The following AP3B1 variants were observed in gnomAD, a reference collection of about 807,000 sequenced individuals.
AP3B1 encodes AP-3 complex subunit beta-1.
AP3B1 carries 61 observed loss-of-function variants against 132.5 expected under a neutral mutation model. The observed-to-expected ratio is 0.46, with a 90% CI of 0.37 to 0.57. The LOEUF (loss-of-function observed/expected upper bound fraction) is 0.57. AP3B1 is among the 20% of genes least tolerant of loss of function. AP3B1 has a pLI of 0.00. For synonymous variants in AP3B1, 388 were observed against 438.3 expected, an observed-to-expected ratio of 0.89 and a Z score of 1.43; for missense variants, 1,120 against 1,289.4, an observed-to-expected ratio of 0.87 and a Z score of 2.01.
intron 22 of AP3B1, among the ~76,000 whole-genome samples, chr5:78,060,574 T>C (rs544082878): frequency 6.6e-6 from 1 of 152,326 alleles, no homozygotes; most frequent in Admixed American, 6.5e-5. Context: ...CCAAGACACC[T>C]TATGTAAACG....
intron 22 of AP3B1, among the ~76,000 whole-genome samples, chr5:78,061,875 G>C (rs1212969165): frequency 1.3e-5 from 2 of 152,132 alleles, no homozygotes; most frequent in East Asian, 1.9e-4. Context: ...CAAAGAACAA[G>C]GAAGCTGATT....
intron 1 of AP3B1, among the ~76,000 whole-genome samples, chr5:78,293,576 G>A (rs1749625145): frequency 6.6e-6 from 1 of 152,100 alleles, no homozygotes; most frequent in Non-Finnish European, 1.5e-5. Context: ...AAAGCTACTA[G>A]CACAGCTATT....
intron 2 of AP3B1, among the ~76,000 whole-genome samples, chr5:78,247,129 T>A (rs1001674540): frequency 6.6e-6 from 1 of 151,548 alleles, no homozygotes; most frequent in Non-Finnish European, 1.5e-5. Context: ...TTTAAAAAAA[T>A]TTTGATCTCT....
At position 78,002,774 on chromosome 5, in the gene AP3B1, A is replaced by C; in HGVS notation, c.*128T>G. 1 of 1,054,770 alleles carries C rather than the reference A, an allele frequency of 9.5e-7. No individual in the cohort carries two copies. The highest frequency in any genetic ancestry group is 1.5e-6 in the Non-Finnish European group (1 of 672,728). 65.3% of individuals were successfully genotyped at this position (1,054,770 alleles called of 1,614,324 possible). A position where few individuals can be genotyped will look rare whatever the true frequency, so the allele number is the denominator to read the frequency against. Reference sequence around the variant, plus strand: ...CACTAGCATTCTAAAGCAGGAGACAAGAATGTCAAGAGTGTATTCTACCCC... The same window carrying C: ...CACTAGCATTCTAAAGCAGGAGACACGAATGTCAAGAGTGTATTCTACCCC... On this transcript the variant is annotated 3_prime_UTR_variant, in exon 27 of 27. Coordinates refer to ENST00000255194, the MANE Select transcript of AP3B1 (RefSeq NM_003664.5).
At chr5:78,153,193 A>G (rs1035033505) in intron 14 of AP3B1, among the ~76,000 whole-genome samples, 1 of 152,128 alleles carries the variant, frequency 6.6e-6, no homozygotes, top group African/African-American at 2.4e-5. Context: ...CTCTAGTAAC[A>G]TTTGCTTTAT....
chr5:78,208,992 A>C (rs1457570042), intron 7 of AP3B1, among the ~76,000 whole-genome samples: 1 of 152,174 alleles, frequency 6.6e-6, no homozygotes, highest in Non-Finnish European at 1.5e-5. Flanking sequence ...GAAGAATGAC[A>C]AATTCTCCAT....
intron 22 of AP3B1, among the ~76,000 whole-genome samples, chr5:78,054,754 T>C (rs1353592021): frequency 6.6e-6 from 1 of 152,144 alleles, no homozygotes; most frequent in African/African-American, 2.4e-5. Flanking sequence ...TGATGAAGGA[T>C]GCGGATGTCA....
chr5:78,294,605 T>A lies in AP3B1; in HGVS notation c.-26A>T. The A allele has an allele frequency of 6.2e-7, 1 of 1,612,912 alleles. No individual in the cohort carries two copies. Among genetic ancestry groups the A allele is most frequent in the Non-Finnish European group, 8.5e-7 (1 of 1,179,906 alleles). On this transcript the variant is annotated 5_prime_UTR_variant, in exon 1 of 27. Transcript: ENST00000255194. The stretch of plus-strand genomic sequence containing the variant: ...TGCCGCGGTGCTGGCGGGTGCGGGG[T>A]TGGTCCTGCCGGGGGTTCTCTCCAA...
At chr5:78,088,146 T>C (rs908206818) in intron 22 of AP3B1, among the ~76,000 whole-genome samples, 5 of 152,224 alleles carry the variant, frequency 3.3e-5, no homozygotes, top group Admixed American at 1.3e-4. Context: ...TGCTTCACTA[T>C]TGATTTTTTG....
At chr5:78,129,851 A>G (rs1752618535) in intron 15 of AP3B1, among the ~76,000 whole-genome samples, 1 of 152,064 alleles carries the variant, frequency 6.6e-6, no homozygotes, top group South Asian at 2.1e-4. Context: ...GAATCACTGA[A>G]CTGGATTACT....
intron 13 of AP3B1, among the ~76,000 whole-genome samples, 167 bp downstream of exon 13, chr5:78,162,652 A>T (rs1352521600): frequency 2.0e-5 from 3 of 152,170 alleles, no homozygotes; most frequent in African/African-American, 7.2e-5. Context: ...AACCCAGAAT[A>T]TGCATATTTA....
At position 78,113,861 on chromosome 5, in the gene AP3B1, C is replaced by T; in HGVS notation, c.2140G>A (p.Glu714Lys). 3.7e-6 allele frequency: 6 copies of T among 1,614,230 alleles called. No homozygotes were observed. Among genetic ancestry groups the T allele is most frequent in the Non-Finnish European group, 5.1e-6 (6 of 1,180,026 alleles). The change falls in exon 19 of 27, where the codon GAG (glutamate) becomes AAG (lysine). Residue 714 changes from glutamate (E) to lysine (K), a missense_variant. Coordinates refer to ENST00000255194, the MANE Select transcript of AP3B1 (RefSeq NM_003664.5). ...CTGGAGGAGTCCTCACTGCTGTCCT[C>T]ATTGCTGTCTCCTTCCTCCCCACTT... ...GESGEEGDSN[E>K]DSSEDSSSEQ...
chr5:78,126,504 C>CAAAAAAAAAAAAAAAAAAAAAAA (rs70997969), intron 17 of AP3B1, among the ~76,000 whole-genome samples: 3 of 62,398 alleles, frequency 4.8e-5, no homozygotes, highest in East Asian at 6.6e-4. Context: ...GACTCTGTCT[C>CAAAAAAAAAAAAAAAAAAAAAAA]AAAAAAAAAA....
intron 1 of AP3B1, among the ~76,000 whole-genome samples, chr5:78,281,738 G>C (rs1240173770): frequency 2.0e-5 from 3 of 152,124 alleles, no homozygotes; most frequent in African/African-American, 7.2e-5. Flanking sequence ...AGGAATAGGA[G>C]AGAGGAGAAA....
intron 22 of AP3B1, among the ~76,000 whole-genome samples, chr5:78,054,625 T>C (rs252791): frequency 2.0e-5 from 3 of 151,948 alleles, no homozygotes; most frequent in Non-Finnish European, 4.4e-5. Context: ...CCTTACAAAA[T>C]TGTATGAGGG....
At position 78,141,241 on chromosome 5, in the gene AP3B1, A is replaced by C; in HGVS notation, c.1552T>G (p.Leu518Val). ...ERVPKIAPDV[L>V]RKMAKSFTSE... is the part of the protein sequence containing the mutation. ...GTGAAGCTTTTAGCCATCTTCCTCA[A>C]AACATCAGGGGCAATTTTAGGAACT... Residue 518 changes from leucine (L) to valine (V), a missense_variant, in exon 15 of 27, where the codon TTG (leucine) becomes GTG (valine). Coordinates refer to ENST00000255194, the MANE Select transcript of AP3B1 (RefSeq NM_003664.5). 1 of 1,613,830 alleles carries C rather than the reference A, an allele frequency of 6.2e-7. No individual in the cohort carries two copies. Among genetic ancestry groups the C allele is most frequent in the East Asian group, 2.2e-5 (1 of 44,860 alleles).
chr5:78,232,290 C>A (rs1230810454), intron 3 of AP3B1, among the ~76,000 whole-genome samples: 1 of 152,212 alleles, frequency 6.6e-6, no homozygotes, highest in Non-Finnish European at 1.5e-5. Context: ...GCCACCAGAA[C>A]TGTTTTAAAC....
intron 22 of AP3B1, among the ~76,000 whole-genome samples, chr5:78,067,497 C>G (rs1749343092): frequency 6.6e-6 from 1 of 152,216 alleles, no homozygotes; most frequent in African/African-American, 2.4e-5. Flanking sequence ...GGCACTTACT[C>G]TAAAATCGAT....
intron 7 of AP3B1, among the ~76,000 whole-genome samples, chr5:78,198,104 C>T (rs1054001796): frequency 5.9e-5 from 9 of 152,178 alleles, no homozygotes; most frequent in Admixed American, 1.3e-4. Context: ...ACCTTTATTA[C>T]CTTGGCATTT....
Sources: allele counts gnomAD v4.1 joint callset (sites outside exome capture counted in the v4.1 genomes callset), GRCh38; gene constraint gnomAD v4.1.1; transcripts MANE v1.5; gene names NCBI Gene and HGNC (gene_info 2026-07-23, HGNC 2026-07-21).